RNF220: variants seen among roughly 807,000 people sequenced by gnomAD.
RNF220 encodes ring finger protein 220, also known as E3 ubiquitin-protein ligase RNF220.
RNF220 carries 7 observed loss-of-function variants against 67.1 expected under a neutral mutation model. That is an observed-to-expected ratio of 0.10 (90% CI 0.06 to 0.20). The LOEUF (loss-of-function observed/expected upper bound fraction) is 0.20, where lower values mean the gene tolerates loss of function less well. RNF220 is among the 10% of genes least tolerant of loss of function. The pLI is 1.00. For synonymous variants in RNF220, 270 were observed against 283.2 expected, an observed-to-expected ratio of 0.95 and a Z score of 0.47; for missense variants, 565 against 740.3, an observed-to-expected ratio of 0.76 and a Z score of 2.75.
intron 2 of RNF220, among the ~76,000 whole-genome samples, chr1:44,424,794 T>C (rs995193363): frequency 6.6e-6 from 1 of 152,228 alleles, no homozygotes; most frequent in African/African-American, 2.4e-5. Context: ...TGCAATATTA[T>C]TATGATGAGG....
chr1:44,598,192 A>C (rs1572996510), intron 2 of RNF220, among the ~76,000 whole-genome samples: 2 of 152,122 alleles, frequency 1.3e-5, no homozygotes, highest in South Asian at 4.1e-4. Flanking sequence ...GAGGGGGCTA[A>C]GCCCAGAGTC....
intron 2 of RNF220, among the ~76,000 whole-genome samples, chr1:44,420,821 A>G (rs1178328099): frequency 6.6e-6 from 1 of 152,234 alleles, no homozygotes; most frequent in Non-Finnish European, 1.5e-5. Flanking sequence ...AAACACATAG[A>G]TAATGCTTAG....
chr1:44,485,610 G>A (rs562285679), intron 2 of RNF220, among the ~76,000 whole-genome samples: 72 of 152,326 alleles, frequency 4.7e-4, no homozygotes, highest in African/African-American at 1.7e-3. Flanking sequence ...CACCTCTCAA[G>A]AGCCTGTTTT....
intron 3 of RNF220, among the ~76,000 whole-genome samples, chr1:44,615,704 G>A (rs1643517433): frequency 6.6e-6 from 1 of 152,156 alleles, no homozygotes; most frequent in Non-Finnish European, 1.5e-5. Context: ...GTATCAAGGA[G>A]GCACCAAACC....
chr1:44,471,199 G>T (rs566125696), intron 2 of RNF220, among the ~76,000 whole-genome samples: 5 of 152,212 alleles, frequency 3.3e-5, no homozygotes, highest in Non-Finnish European at 5.9e-5. Context: ...TCCGAGGCTG[G>T]TGGATCACCT....
chr1:44,518,685 G>A (rs1449718619), intron 2 of RNF220, among the ~76,000 whole-genome samples: 4 of 152,054 alleles, frequency 2.6e-5, no homozygotes, highest in African/African-American at 9.7e-5. Context: ...GACCATCCTG[G>A]CTAACACAGT....
intron 6 of RNF220, chr1:44,635,097 A>G (rs1644286037): frequency 6.4e-6 from 1 of 155,044 alleles, no homozygotes; most frequent in Non-Finnish European, 1.4e-5. Context: ...AAGAGGATTT[A>G]GCTGATGAGT....
In RNF220 at chr1:44,649,558, G is replaced by C; in HGVS notation, c.1446-103G>C. The C allele has an allele frequency of 9.5e-7, 1 of 1,056,856 alleles. No individual in the cohort carries two copies. Among genetic ancestry groups the C allele is most frequent in the Admixed American group, 1.8e-5 (1 of 55,894 alleles). 65.5% of individuals were successfully genotyped at this position (1,056,856 alleles called of 1,614,324 possible). A position where few individuals can be genotyped will look rare whatever the true frequency, so the allele number is the denominator to read the frequency against. On this transcript the variant is annotated intron_variant, in intron 12 of 14. Coordinates refer to ENST00000361799, the MANE Select transcript of RNF220 (RefSeq NM_018150.4). The surrounding 1 kb of genome is among the most constrained non-coding windows in gnomAD (Gnocchi z 5.9). ...GAAAGGGGGCAGGCAGGGATGCCTA[G>C]GGGACATTTATGTATTTGGTTCTGG...
chr1:44,520,758 A>G (rs1479405360), intron 2 of RNF220, among the ~76,000 whole-genome samples: 1 of 152,242 alleles, frequency 6.6e-6, no homozygotes, highest in Non-Finnish European at 1.5e-5. Context: ...ACTAGATTAT[A>G]TACTCCTTGA....
intron 2 of RNF220, among the ~76,000 whole-genome samples, chr1:44,436,362 T>G (rs1409566930): frequency 6.6e-6 from 1 of 151,936 alleles, no homozygotes; most frequent in African/African-American, 2.4e-5. Context: ...AATATATTTT[T>G]CTTTTTCCCT....
chr1:44,434,551 A>C (rs1650748010), intron 2 of RNF220, among the ~76,000 whole-genome samples: 1 of 151,954 alleles, frequency 6.6e-6, no homozygotes. Flanking sequence ...TACTAAAAAT[A>C]CAACAACAAC....
At chr1:44,610,500 G>A (rs1643245357) in intron 2 of RNF220, among the ~76,000 whole-genome samples, 1 of 152,190 alleles carries the variant, frequency 6.6e-6, no homozygotes, top group Admixed American at 6.5e-5. Flanking sequence ...CTGACCTCCT[G>A]AGGGAGCGAG....
chr1:44,415,214 T>A (rs1046761091), intron 2 of RNF220, among the ~76,000 whole-genome samples: 4 of 151,858 alleles, frequency 2.6e-5, no homozygotes, highest in African/African-American at 9.7e-5. Flanking sequence ...ATTTATGGTC[T>A]GTTTTATGTA....
At position 44,626,339 on chromosome 1, in the gene RNF220, C is replaced by T; in HGVS notation, c.847C>T (p.Pro283Ser). 1 of 1,614,158 alleles carries T rather than the reference C, an allele frequency of 6.2e-7. No individual in the cohort carries two copies. The change falls in exon 5 of 15, where the codon CCA becomes TCA. Residue 283 changes from proline to serine, a missense_variant. Coordinates refer to ENST00000361799, the MANE Select transcript of RNF220 (RefSeq NM_018150.4). Reference protein sequence around the residue: ...SASIKREGESPTASPHSSATD... With the variant: ...SASIKREGESSTASPHSSATD... ...TTCCATCAAGAGGGAAGGAGAGTCT[C>T]CAACGGCATCACCCCACTCATCTGC...
intron 2 of RNF220, among the ~76,000 whole-genome samples, chr1:44,588,285 C>A (rs1323604977): frequency 6.6e-6 from 1 of 152,202 alleles, no homozygotes; most frequent in South Asian, 2.1e-4. Context: ...TCTACTTGAC[C>A]GCATCTCTCC....
At chr1:44,550,451 C>T (rs959784448) in intron 2 of RNF220, among the ~76,000 whole-genome samples, 2 of 152,162 alleles carry the variant, frequency 1.3e-5, no homozygotes, top group Non-Finnish European at 2.9e-5. Context: ...GCATTCAGTT[C>T]CCTGAAATCA....
At chr1:44,510,562 AC>A (rs1557997375) in intron 2 of RNF220, among the ~76,000 whole-genome samples, 1 of 151,842 alleles carries the variant, frequency 6.6e-6, no homozygotes, top group South Asian at 2.1e-4. Context: ...CCTGACTCTT[AC>A]CCCTCCTTCC....
intron 2 of RNF220, among the ~76,000 whole-genome samples, chr1:44,427,079 A>G (rs1649863596): frequency 6.6e-6 from 1 of 152,238 alleles, no homozygotes. Context: ...TTTACAGGTA[A>G]TAATTGATTT....
At chr1:44,408,334 A>G (rs1647605647) in intron 1 of RNF220, among the ~76,000 whole-genome samples, 1 of 152,194 alleles carries the variant, frequency 6.6e-6, no homozygotes, top group Admixed American at 6.5e-5. Flanking sequence ...ATCTGGGACC[A>G]TACCCGGCCA....
Sources: gnomAD v4.1 joint callset for allele counts (sites outside exome capture counted in the v4.1 genomes callset) on GRCh38, gnomAD v4.1.1 for gene constraint, Gnocchi (gnomAD v3.1) non-coding constraint, MANE v1.5 for transcripts, NCBI Gene and HGNC (gene_info 2026-07-23, HGNC 2026-07-21) for gene names.